ARHGEF3: variants seen among roughly 807,000 people sequenced by gnomAD.
ARHGEF3 encodes 59.8 kDA protein.
Under a neutral mutation model 63.2 loss-of-function variants are expected in ARHGEF3, and 28 were observed. The observed-to-expected ratio is 0.44, with a 90% confidence interval of 0.33 to 0.61. The LOEUF is 0.61. Ranked by LOEUF, ARHGEF3 falls within the 20% of genes least tolerant of loss-of-function variation. The probability of loss-of-function intolerance (pLI) is 0.03; values close to 1 mark genes in which losing one functional copy is unlikely to be tolerated. For missense variants in ARHGEF3, 533 were observed against 659.3 expected, an observed-to-expected ratio of 0.81 and a Z score of 2.10; for synonymous variants, 266 against 254.2, an observed-to-expected ratio of 1.05 and a Z score of -0.44.
intron 3 of ARHGEF3, among the ~76,000 whole-genome samples, chr3:56,889,845 T>G (rs894588333): frequency 5.9e-5 from 9 of 152,330 alleles, no homozygotes; most frequent in Admixed American, 5.9e-4. Context: ...GCGGATCACC[T>G]GAGGTCAGGA....
intron 4 of ARHGEF3, among the ~76,000 whole-genome samples, chr3:56,820,897 A>G (rs1391114578): frequency 2.0e-5 from 3 of 152,072 alleles, no homozygotes; most frequent in Non-Finnish European, 2.9e-5. Context: ...TCATGCCTGT[A>G]ATCCCAGCAC....
Position 56,991,265 on chromosome 3 carries a change from C to A in ARHGEF3, c.63-32376G>T, listed in dbSNP as rs565480497. Among the ~76,000 whole-genome samples the A allele has an allele frequency of 3.3e-5, 5 of 152,230 alleles. No homozygotes were observed. In the South Asian group the frequency reaches 8.3e-4, roughly 25 times the overall value. On this transcript the variant is annotated intron_variant, in intron 2 of 12. Coordinates refer to the ARHGEF3 transcript ENST00000338458. ...GCCACTCACATGCCTGAGGATCCAA[C>A]CTTTCCCCATTTGCTCATTCATTCA...
intron 4 of ARHGEF3, among the ~76,000 whole-genome samples, chr3:56,813,491 C>T (rs188306059): frequency 1.0e-3 from 158 of 152,272 alleles, no homozygotes; most frequent in African/African-American, 3.4e-3. Flanking sequence ...TCTGTCTCAC[C>T]GTGTTATCGA....
chr3:56,976,740 G>A (rs1272249130), intron 2 of ARHGEF3, among the ~76,000 whole-genome samples: 2 of 152,176 alleles, frequency 1.3e-5, no homozygotes, highest in Non-Finnish European at 2.9e-5. Context: ...TTTTGGCAGT[G>A]ACTGGGGCCA....
intron 2 of ARHGEF3, among the ~76,000 whole-genome samples, chr3:57,028,753 G>GA (rs78036631): frequency 0.48 from 71,778 of 150,848 alleles, 17,482 homozygotes; most frequent in African/African-American, 0.53. Context: ...CTGTAAAACG[G>GA]GGTGAACAAT....
chr3:56,991,613 T>TTTTG (rs201940464), intron 2 of ARHGEF3, among the ~76,000 whole-genome samples: 77 of 152,204 alleles, frequency 5.1e-4, no homozygotes, highest in African/African-American at 1.8e-3. Context: ...CATTAATCAG[T>TTTTG]TTTGTTTTGT....
chr3:56,795,047 T>TTA (rs11438929), intron 1 of ARHGEF3, among the ~76,000 whole-genome samples: 3 of 151,144 alleles, frequency 2.0e-5, no homozygotes, highest in Non-Finnish European at 3.0e-5. Flanking sequence ...TTTTTTTTTT[T>TTA]AGAGATGGGG....
At chr3:56,811,863 T>C (rs528134388) in intron 4 of ARHGEF3, among the ~76,000 whole-genome samples, 3 of 152,312 alleles carry the variant, frequency 2.0e-5, no homozygotes, top group African/African-American at 7.2e-5. Context: ...ATTCCTCTCA[T>C]TCAAGGTTGT....
At chr3:56,745,857 G>A (rs1391239337) in intron 6 of ARHGEF3, among the ~76,000 whole-genome samples, 1 of 152,154 alleles carries the variant, frequency 6.6e-6, no homozygotes, top group Admixed American at 6.5e-5. Flanking sequence ...ATTTTTAGTA[G>A]AGATGGGGTT....
chr3:57,015,409 G>T (rs1702949389), intron 2 of ARHGEF3, among the ~76,000 whole-genome samples: 1 of 152,044 alleles, frequency 6.6e-6, no homozygotes, highest in Admixed American at 6.6e-5. Context: ...AGGTGTATGT[G>T]CTCTTACAAT....
intron 2 of ARHGEF3, among the ~76,000 whole-genome samples, chr3:57,005,737 C>T (rs1044878095): frequency 4.6e-5 from 7 of 152,232 alleles, no homozygotes; most frequent in African/African-American, 1.7e-4. Flanking sequence ...CATAAAGCTC[C>T]GTTCTCTAAT....
At chr3:56,738,027 C>T (rs1344192001) in intron 7 of ARHGEF3, among the ~76,000 whole-genome samples, 3 of 151,920 alleles carry the variant, frequency 2.0e-5, no homozygotes, top group African/African-American at 7.3e-5. Context: ...TGCCATAATG[C>T]CCAGCTAATT....
intron 2 of ARHGEF3, among the ~76,000 whole-genome samples, chr3:57,002,805 T>TG (rs931200742): frequency 8.1e-5 from 12 of 148,856 alleles, no homozygotes; most frequent in Non-Finnish European, 1.0e-4. Context: ...GACAGAGTCT[T>TG]GCTCTGTCAC....
intron 2 of ARHGEF3, among the ~76,000 whole-genome samples, chr3:56,968,197 AAT>A (rs1218725990): frequency 6.2e-5 from 1 of 16,002 alleles, no homozygotes; most frequent in Non-Finnish European, 1.4e-4. Context: ...TATTATATAT[AAT>A]ATATAAAAAT....
At chr3:57,015,010 CTTTT>C (rs35395324) in intron 2 of ARHGEF3, among the ~76,000 whole-genome samples, 2 of 142,650 alleles carry the variant, frequency 1.4e-5, no homozygotes, top group African/African-American at 2.6e-5. Context: ...TTTTCATGTA[CTTTT>C]TTTTTTTTTT....
intron 3 of ARHGEF3, among the ~76,000 whole-genome samples, chr3:56,897,508 A>G (rs2041341882): frequency 6.6e-6 from 1 of 151,894 alleles, no homozygotes; most frequent in African/African-American, 2.4e-5. Flanking sequence ...ATGCATGTAT[A>G]TATGTATAAC....
intron 2 of ARHGEF3, among the ~76,000 whole-genome samples, chr3:56,994,943 G>A (rs1362307968): frequency 3.9e-5 from 6 of 152,082 alleles, no homozygotes; most frequent in Admixed American, 2.0e-4. Flanking sequence ...GTTTAAAAGT[G>A]TGGCACGTCC....
At chr3:57,033,842 C>T (rs1208639701) in intron 2 of ARHGEF3, among the ~76,000 whole-genome samples, 5 of 152,022 alleles carry the variant, frequency 3.3e-5, no homozygotes, top group East Asian at 1.9e-4. Flanking sequence ...GTCAAGAGTT[C>T]GAAACCAGCC....
At chr3:56,776,775 C>T (rs150673752) in intron 1 of ARHGEF3, among the ~76,000 whole-genome samples, 8 of 152,266 alleles carry the variant, frequency 5.3e-5, no homozygotes, top group Non-Finnish European at 7.4e-5. Flanking sequence ...CCTGCAGGGA[C>T]GCTTCCTAGT....
Sources: allele counts gnomAD v4.1 joint callset (sites outside exome capture counted in the v4.1 genomes callset), GRCh38; gene constraint gnomAD v4.1.1; transcripts MANE v1.5; gene names NCBI Gene and HGNC (gene_info 2026-07-23, HGNC 2026-07-21).